Variants in IBTK observed in about 807,000 individuals in gnomAD.
IBTK encodes BTK-binding protein.
In IBTK, 83 loss-of-function variants were observed where a neutral mutation model predicts 154.9. The ratio of observed to expected loss-of-function variants is 0.54; its 90% CI spans 0.45 to 0.64. The LOEUF (loss-of-function observed/expected upper bound fraction) is 0.64, where lower values mean the gene tolerates loss of function less well. Among genes scored for constraint, IBTK ranks in the 30% least tolerant of loss-of-function variants. The probability of loss-of-function intolerance (pLI) is 0.00; values close to 1 mark genes in which losing one functional copy is unlikely to be tolerated. For missense variants in IBTK, 1,332 were observed against 1,584.6 expected, an observed-to-expected ratio of 0.84 and a Z score of 2.71; for synonymous variants, 515 against 536.1, an observed-to-expected ratio of 0.96 and a Z score of 0.54.
At chr6:82,246,765 AG>A (rs1173192654) in intron 1 of IBTK, among the ~76,000 whole-genome samples, 8 of 152,250 alleles carry the variant, frequency 5.3e-5, no homozygotes, top group Non-Finnish European at 1.0e-4. Flanking sequence ...AATGATCAAG[AG>A]GGGGCTGGCA....
At chr6:82,188,531 A>ATAC (rs1349427251) in intron 25 of IBTK, among the ~76,000 whole-genome samples, 1 of 152,192 alleles carries the variant, frequency 6.6e-6, no homozygotes, top group Admixed American at 6.5e-5. Context: ...TGCGTGGTAC[A>ATAC]TACGTGTGTG....
chr6:82,227,626 C>A (rs1770344329), intron 4 of IBTK, among the ~76,000 whole-genome samples: 3 of 151,880 alleles, frequency 2.0e-5, no homozygotes, highest in Non-Finnish European at 4.4e-5. Flanking sequence ...AGTTGTTTTC[C>A]AGTTTCATGA....
In IBTK at chr6:82,225,495, A is replaced by C; in HGVS notation, c.807T>G (p.Ser269Arg). The change falls in exon 6 of 29, where the codon AGT becomes AGG. Residue 269 changes from serine (S) to arginine (R), a missense_variant. By Grantham distance (110) the Ser-to-Arg change is moderately radical. Around this residue, in one of 3 missense-constraint regions of IBTK, gnomAD observed 1,134 missense variants for 1,274.7 expected, o/e 0.89. Transcript: ENST00000306270. ...AGCTTACCTGTCTGGGTACATTACA[A>C]CTGGAAGGCGGTGGAATAATTCCTA... is the stretch of plus-strand genomic sequence containing the variant. ...HQLGIIPPPS[S>R]CNVPRQIQAK... is the part of the protein sequence containing the mutation. 1.9e-6 allele frequency: 3 copies of C among 1,613,086 alleles called. No individual in the cohort carries two copies. The highest frequency in any genetic ancestry group is 2.5e-6 in the Non-Finnish European group (3 of 1,179,526).
rs114307639 is a variant in IBTK at position 82,185,234 on chromosome 6, A to C, written c.3576-3206T>G. Among the ~76,000 whole-genome samples, 1,071 of 151,306 alleles carry C rather than the reference A, an allele frequency of 7.1e-3. 13 individuals are homozygous for C. The highest frequency in any genetic ancestry group is 0.024 in the African/African-American group (1,008 of 41,196). On this transcript the variant is annotated intron_variant, in intron 25 of 28. Coordinates refer to ENST00000306270, the MANE Select transcript of IBTK (RefSeq NM_015525.4). ...GATAAATCATCACAGTCATGAATAC[A>C]TTCTATAAATAACAATCTGTAAATC... is the stretch of plus-strand genomic sequence containing the variant.
Position 82,191,812 on chromosome 6 carries a change from C to T in IBTK, c.3406G>A (p.Gly1136Arg). Residue 1136 changes from glycine to arginine, a missense_variant, in exon 24 of 29, where the codon GGA becomes AGA. Coordinates refer to ENST00000306270, the MANE Select transcript of IBTK (RefSeq NM_015525.4). Reference protein sequence around the residue: ...MEIEESRQKCGATPKSHLGKT... With the variant: ...MEIEESRQKCRATPKSHLGKT... ...CCTAAATGTGACTTTGGTGTAGCTC[C>T]ACATTTTTGTCTACTTTCTTCTATT... 1 of 1,608,632 alleles carries T rather than the reference C, an allele frequency of 6.2e-7. No individual in the cohort carries two copies. The highest frequency in any genetic ancestry group is 8.5e-7 in the Non-Finnish European group (1 of 1,175,316).
chr6:82,192,490 T>C (rs1029947850), intron 23 of IBTK, among the ~76,000 whole-genome samples: 4 of 152,128 alleles, frequency 2.6e-5, no homozygotes, highest in Non-Finnish European at 5.9e-5. Context: ...CTCAAGCCTG[T>C]AATCCCAGTA....
rs1767882258 is a variant in IBTK at position 82,170,130 on chromosome 6, A to T, written c.*1295T>A. ...AAATCCGTCTTAGAATAAATACAGC[A>T]TCAACTTAACCATATACTGGCCACT... On this transcript the variant is annotated 3_prime_UTR_variant, in exon 29 of 29. Transcript: ENST00000306270. 1 of 152,324 alleles carries T rather than the reference A, an allele frequency of 6.6e-6. No individual in the cohort carries two copies. The highest frequency in any genetic ancestry group is 2.4e-5 in the African/African-American group (1 of 41,466). 9.4% of individuals were successfully genotyped at this position (152,324 alleles called of 1,614,324 possible).
At chr6:82,195,482 G>A (rs1398642872) in intron 22 of IBTK, among the ~76,000 whole-genome samples, 1 of 151,878 alleles carries the variant, frequency 6.6e-6, no homozygotes, top group East Asian at 1.9e-4. Context: ...GCCGGCTTAG[G>A]TGGGAGAATC....
intron 8 of IBTK, among the ~76,000 whole-genome samples, chr6:82,223,110 A>G (rs1333304942): frequency 6.6e-6 from 1 of 152,104 alleles, no homozygotes; most frequent in East Asian, 1.9e-4. Flanking sequence ...ACAGGAACCA[A>G]TGATGAGAGT....
intron 26 of IBTK, among the ~76,000 whole-genome samples, chr6:82,178,668 G>C (rs1004464262): frequency 3.9e-5 from 6 of 152,224 alleles, no homozygotes; most frequent in African/African-American, 1.4e-4. Context: ...AAAATACTTA[G>C]AGTAGACAAA....
At chr6:82,237,165 C>T (rs139012878) in intron 2 of IBTK, among the ~76,000 whole-genome samples, 1 of 152,050 alleles carries the variant, frequency 6.6e-6, no homozygotes, top group Non-Finnish European at 1.5e-5. Context: ...TAAATGGCAA[C>T]CCCTAGGATG....
chr6:82,220,053 T>C (rs1368861933), intron 9 of IBTK, among the ~76,000 whole-genome samples: 3 of 151,726 alleles, frequency 2.0e-5, no homozygotes, highest in African/African-American at 7.3e-5. Context: ...CTACTAAAAA[T>C]ACAAAAATAA....
chr6:82,201,507 A>G (rs1322531295), intron 18 of IBTK, 25 bp from the exon 19 acceptor site: 2 of 1,515,644 alleles, frequency 1.3e-6, no homozygotes, highest in Middle Eastern at 1.7e-4. Flanking sequence ...ACAAAATTCT[A>G]TCTTAAGATT....
At chr6:82,177,801 C>G (rs1403886147) in intron 26 of IBTK, among the ~76,000 whole-genome samples, 1 of 152,114 alleles carries the variant, frequency 6.6e-6, no homozygotes, top group Non-Finnish European at 1.5e-5. Context: ...CCGCCCACAT[C>G]AGCCCCACAA....
intron 22 of IBTK, among the ~76,000 whole-genome samples, chr6:82,195,369 A>G (rs914319147): frequency 6.6e-6 from 1 of 152,090 alleles, no homozygotes; most frequent in Non-Finnish European, 1.5e-5. Flanking sequence ...TGAGTCCAGG[A>G]GTTCGAGACC....
At chr6:82,189,005 G>C (rs1441164216) in intron 25 of IBTK, 5 of 442,730 alleles carry the variant, frequency 1.1e-5, no homozygotes, top group African/African-American at 1.0e-4. Context: ...ACTCAAACCT[G>C]AACAACAGGG....
intron 25 of IBTK, among the ~76,000 whole-genome samples, chr6:82,186,464 T>G (rs1582190140): frequency 1.3e-5 from 2 of 151,402 alleles, no homozygotes; most frequent in East Asian, 1.9e-4. Context: ...TACATTAAGG[T>G]TTTTTTTTGT....
intron 16 of IBTK, 87 bp downstream of exon 16, chr6:82,210,727 T>G: frequency 3.7e-6 from 2 of 546,052 alleles, no homozygotes; most frequent in South Asian, 3.8e-5. Flanking sequence ...TGATGGTTTT[T>G]TTCTATTAGA....
intron 1 of IBTK, among the ~76,000 whole-genome samples, chr6:82,241,067 A>C (rs1022982618): frequency 6.6e-6 from 1 of 152,166 alleles, no homozygotes; most frequent in African/African-American, 2.4e-5. Context: ...CTCTGGCATA[A>C]ACGGGTTAAT....
Sources: allele counts gnomAD v4.1 joint callset (sites outside exome capture counted in the v4.1 genomes callset), GRCh38; gene constraint gnomAD v4.1.1; regional missense constraint gnomAD v4.1.1; transcripts MANE v1.5; gene names NCBI Gene and HGNC (gene_info 2026-07-23, HGNC 2026-07-21).